Variants in RIN3 observed in about 807,000 individuals in gnomAD.
RIN3 encodes Ras and Rab interactor 3.
Under a neutral mutation model 76.3 loss-of-function variants are expected in RIN3, and 54 were observed. The observed-to-expected ratio is 0.71, with a 90% CI of 0.57 to 0.89. RIN3 has a LOEUF of 0.89. Ranked by LOEUF, RIN3 falls within the 40% of genes least tolerant of loss-of-function variation. RIN3 has a pLI of 0.00. For synonymous variants in RIN3, 576 were observed against 564.0 expected, an observed-to-expected ratio of 1.02 and a Z score of -0.30; for missense variants, 1,256 against 1,322.1, an observed-to-expected ratio of 0.95 and a Z score of 0.78.
rs547271682 is a variant in RIN3 at position 92,656,655 on chromosome 14, G to A, written c.2027-2506G>A. ...TGGCAAAGTGTCACCAGAGCCTGCC[G>A]TGGGCACGAATGTGTGGGGCAGAGA... On this transcript the variant is annotated intron_variant, in intron 6 of 9. Coordinates refer to ENST00000216487, the MANE Select transcript of RIN3 (RefSeq NM_024832.5). This position sits in a 1 kb window ranked among gnomAD's most constrained non-coding sequence, Gnocchi z 5.2. Among the ~76,000 whole-genome samples, 17 of 152,356 alleles carry A rather than the reference G, an allele frequency of 1.1e-4. 1 individual carries two copies. Among genetic ancestry groups the A allele is most frequent in the East Asian group, 5.8e-4 (3 of 5,192 alleles).
At chr14:92,632,515 A>G (rs1040884446) in intron 4 of RIN3, among the ~76,000 whole-genome samples, 3 of 152,198 alleles carry the variant, frequency 2.0e-5, no homozygotes, top group Non-Finnish European at 4.4e-5. Flanking sequence ...TCAAAAAACG[A>G]TCAAGCATGT....
intron 1 of RIN3, among the ~76,000 whole-genome samples, chr14:92,549,600 T>C (rs181705090): frequency 6.6e-6 from 1 of 152,348 alleles, no homozygotes; most frequent in African/African-American, 2.4e-5. Flanking sequence ...ACAGGCACCA[T>C]GCCCAGGAGC....
chr14:92,661,744 C>CACACACACACACAT lies in RIN3; in HGVS notation c.2335+2288_2335+2289insTACACACACACACA, dbSNP rs1441003576. Among the ~76,000 whole-genome samples the CACACACACACACAT allele has an allele frequency of 6.7e-5, 9 of 134,268 alleles. No individual in the cohort carries two copies. The South Asian group carries it at 2.5e-3, about 37-fold the overall frequency. 88.1% of individuals were successfully genotyped at this position (134,268 alleles called of 152,430 possible). On this transcript the variant is annotated intron_variant, in intron 7 of 9. Transcript: ENST00000216487. ...TCTGTCACACACACACACACACACA[C>CACACACACACACAT]ACACACACACACACAAAAAATAGAA...
At position 92,568,720 on chromosome 14, in the gene RIN3, C is replaced by T. The variant is rs569878146; in HGVS notation, c.250-8640C>T. Among the ~76,000 whole-genome samples, 2 of 152,372 alleles carry T rather than the reference C, an allele frequency of 1.3e-5. No homozygotes were observed. Among genetic ancestry groups the T allele is most frequent in the African/African-American group, 4.8e-5 (2 of 41,592 alleles). On this transcript the variant is annotated intron_variant, in intron 2 of 9. Coordinates refer to ENST00000216487, the MANE Select transcript of RIN3 (RefSeq NM_024832.5). The surrounding 1 kb of genome is among the most constrained non-coding windows in gnomAD (Gnocchi z 4.2). ...TGCCCCACTCTCCATCGTGAACTCA[C>T]AGCCTCCAGCCTCCTCTGCCCCAGG...
At chr14:92,641,478 C>T (rs185577730) in intron 5 of RIN3, 149 bp downstream of exon 5, 196 of 630,674 alleles carry the variant, frequency 3.1e-4, no homozygotes, top group Non-Finnish European at 5.0e-4. Context: ...TGCTGAGCCA[C>T]GTGATAGAGA....
At chr14:92,574,229 A>C (rs920142413) in intron 2 of RIN3, among the ~76,000 whole-genome samples, 2 of 152,214 alleles carry the variant, frequency 1.3e-5, no homozygotes, top group African/African-American at 4.8e-5. Context: ...GAAGTGCAGG[A>C]GGTTTTATAG....
chr14:92,583,335 C>G (rs1343131225), intron 3 of RIN3, among the ~76,000 whole-genome samples: 1 of 152,264 alleles, frequency 6.6e-6, no homozygotes, highest in African/African-American at 2.4e-5. Flanking sequence ...ACTTCCGTTT[C>G]CATGTGCCTG....
chr14:92,659,103 C>G, intron 6 of RIN3, 58 bp from the exon 7 acceptor site: 1 of 1,548,410 alleles, frequency 6.5e-7, no homozygotes, highest in African/African-American at 1.4e-5. Flanking sequence ...GCAACAGAAC[C>G]AGGTGGCAGG....
At chr14:92,519,060 C>G (rs567122118) in intron 1 of RIN3, among the ~76,000 whole-genome samples, 1 of 152,120 alleles carries the variant, frequency 6.6e-6, no homozygotes, top group Non-Finnish European at 1.5e-5. Context: ...GGTCCCTGCT[C>G]GCTCTGACAG....
intron 4 of RIN3, among the ~76,000 whole-genome samples, chr14:92,637,238 A>G (rs1886809251): frequency 6.6e-6 from 1 of 151,826 alleles, no homozygotes; most frequent in South Asian, 2.1e-4. Flanking sequence ...AGATGGTCCC[A>G]TCTGGGGGTG....
At chr14:92,561,877 G>A (rs527483092) in intron 2 of RIN3, among the ~76,000 whole-genome samples, 1 of 152,234 alleles carries the variant, frequency 6.6e-6, no homozygotes, top group Admixed American at 6.5e-5. Flanking sequence ...GTAGAGACGA[G>A]GTCTCCCTAT....
At chr14:92,557,068 G>A (rs938999028) in intron 2 of RIN3, among the ~76,000 whole-genome samples, 24 of 152,054 alleles carry the variant, frequency 1.6e-4, no homozygotes, top group African/African-American at 4.8e-5. Flanking sequence ...ATCTGCCTCC[G>A]AAGTCACGTT....
chr14:92,686,453 A>C (rs947567108), intron 9 of RIN3: 1 of 152,248 alleles, frequency 6.6e-6, no homozygotes, highest in African/African-American at 2.4e-5. Flanking sequence ...GTTGGAAAGA[A>C]GTGTATGCAG....
At chr14:92,651,407 G>T (rs1440282660) in intron 5 of RIN3, among the ~76,000 whole-genome samples, 175 bp from the exon 6 acceptor site, 1 of 150,720 alleles carries the variant, frequency 6.6e-6, no homozygotes, top group Non-Finnish European at 1.5e-5. Context: ...GGCAGGAAGT[G>T]GTGGGAGAGG....
rs375786859 is a variant in RIN3, at chr14:92,652,465, G to A, written c.1416G>A (p.Ser472=). Residue 472 remains serine, a synonymous_variant, in exon 6 of 10, where the codon TCG becomes TCA. Transcript: ENST00000216487. This position sits in a 1 kb window ranked among gnomAD's most constrained non-coding sequence, Gnocchi z 6.4. ...RKKRISRQLA[S]TLPAPLENAE... is the part of the protein sequence containing the mutation. The stretch of plus-strand genomic sequence containing the variant: ...AACGGATCTCTCGACAACTGGCCTC[G>A]ACCCTCCCAGCTCCCTTAGAGAACG... The A allele has an allele frequency of 1.9e-5, 30 of 1,613,766 alleles. No individual in the cohort carries two copies. The African/African-American group carries it at 1.9e-4, about 10-fold the overall frequency.
At chr14:92,614,364 C>T (rs1248933487) in intron 3 of RIN3, among the ~76,000 whole-genome samples, 7 of 152,176 alleles carry the variant, frequency 4.6e-5, no homozygotes, top group Non-Finnish European at 1.0e-4. Context: ...CTCTACTGGG[C>T]CTCAGAATTG....
intron 2 of RIN3, among the ~76,000 whole-genome samples, chr14:92,560,337 A>G (rs936450199): frequency 1.3e-5 from 2 of 152,132 alleles, no homozygotes; most frequent in African/African-American, 4.8e-5. Flanking sequence ...GCCAGCCCTG[A>G]GAACAACAGA....
intron 2 of RIN3, among the ~76,000 whole-genome samples, chr14:92,569,552 A>G (rs1309376444): frequency 6.6e-6 from 1 of 151,248 alleles, no homozygotes; most frequent in African/African-American, 2.4e-5. Context: ...GCCTGTCCCC[A>G]GCTGGAGGAT....
chr14:92,607,202 G>A (rs1051207772), intron 3 of RIN3, among the ~76,000 whole-genome samples: 3 of 152,202 alleles, frequency 2.0e-5, no homozygotes, highest in Non-Finnish European at 2.9e-5. Flanking sequence ...ACCACAATGA[G>A]ATATCACTCT....
Sources: allele counts gnomAD v4.1 joint callset (sites outside exome capture counted in the v4.1 genomes callset), GRCh38; gene constraint gnomAD v4.1.1; non-coding constraint Gnocchi (gnomAD v3.1); transcripts MANE v1.5; gene names NCBI Gene and HGNC (gene_info 2026-07-23, HGNC 2026-07-21).